STAT4: variants seen among roughly 807,000 people sequenced by gnomAD.
The protein encoded by STAT4 is signal transducer and activator of transcription 4.
A neutral mutation model predicts 110.5 loss-of-function variants in STAT4; 42 were observed. The ratio of observed to expected loss-of-function variants is 0.38; its 90% confidence interval spans 0.30 to 0.49. The LOEUF (loss-of-function observed/expected upper bound fraction) is 0.49, where lower values mean the gene tolerates loss of function less well. Ranked by LOEUF, STAT4 falls within the 20% of genes least tolerant of loss-of-function variation. The probability of loss-of-function intolerance (pLI) is 0.95; values close to 1 mark genes in which losing one functional copy is unlikely to be tolerated. For synonymous variants in STAT4, 284 were observed against 302.2 expected, an observed-to-expected ratio of 0.94 and a Z score of 0.63; for missense variants, 632 against 887.9, an observed-to-expected ratio of 0.71 and a Z score of 3.66.
At chr2:191,070,516 A>G (rs1279550571) in intron 5 of STAT4, among the ~76,000 whole-genome samples, 1 of 152,114 alleles carries the variant, frequency 6.6e-6, no homozygotes, top group Non-Finnish European at 1.5e-5. Flanking sequence ...CAGCAGTTTA[A>G]CCTTGACCCC....
chr2:191,065,023 C>T, intron 7 of STAT4, 65 bp from the exon 8 acceptor site: 1 of 1,427,180 alleles, frequency 7.0e-7, no homozygotes, highest in Non-Finnish European at 9.2e-7. Context: ...ATTCAATTTA[C>T]AAAACTATTT....
chr2:191,066,511 C>G lies in STAT4; in HGVS notation c.549G>C (p.Gln183His). 6.2e-7 allele frequency: 1 copy of G among 1,613,144 alleles called. No homozygotes were observed. The highest frequency in any genetic ancestry group is 2.2e-5 in the East Asian group (1 of 44,840). The change falls in exon 7 of 24, where the codon CAG becomes CAC. Residue 183 changes from glutamine to histidine, a missense_variant. This residue lies in a region of STAT4 where 488 missense variants were observed against 632.8 expected (regional missense o/e 0.77). Transcript: ENST00000392320. This position sits in a 1 kb window ranked among gnomAD's most constrained non-coding sequence, Gnocchi z 4.3. ...TCACCATGGCACTATTCTTGTCACT[C>G]TGATCTGCAAAGGTAAAGAGATCAG... ...YRYKTIQTMD[Q>H]SDKNSAMVNQ...
At chr2:191,109,936 C>T (rs144113924) in intron 3 of STAT4, among the ~76,000 whole-genome samples, 41 of 152,246 alleles carry the variant, frequency 2.7e-4, no homozygotes, top group African/African-American at 8.9e-4. Flanking sequence ...GGAATATCAA[C>T]GCTCTAGCTA....
At chr2:191,078,268 A>G (rs1453128731) in intron 3 of STAT4, among the ~76,000 whole-genome samples, 1 of 152,132 alleles carries the variant, frequency 6.6e-6, no homozygotes, top group Non-Finnish European at 1.5e-5. Context: ...GAATATTTCT[A>G]TGCCGATCAT....
intron 3 of STAT4, among the ~76,000 whole-genome samples, chr2:191,125,437 T>C (rs1174743368): frequency 6.7e-6 from 1 of 149,816 alleles, no homozygotes; most frequent in East Asian, 1.9e-4. Context: ...CAACTGGAAA[T>C]TGACTATCTA....
intron 3 of STAT4, among the ~76,000 whole-genome samples, chr2:191,088,068 T>G (rs4241275): frequency 0.99 from 150,279 of 152,222 alleles, 74,210 homozygotes; most frequent in Middle Eastern, 1. Context: ...GGAAATAAAT[T>G]CTATACAAAT....
At chr2:191,071,119 AG>A (rs1697135675) in intron 5 of STAT4, among the ~76,000 whole-genome samples, 1 of 152,206 alleles carries the variant, frequency 6.6e-6, no homozygotes, top group Non-Finnish European at 1.5e-5. Context: ...ACCAATTTTG[AG>A]CAACCTGTGC....
intron 3 of STAT4, among the ~76,000 whole-genome samples, chr2:191,123,087 T>C (rs1698782677): frequency 1.3e-5 from 2 of 152,248 alleles, no homozygotes; most frequent in Admixed American, 1.3e-4. Context: ...TACACCTCTT[T>C]CAGTTTGACT....
chr2:191,093,062 T>A (rs191957770), intron 3 of STAT4, among the ~76,000 whole-genome samples: 44 of 152,256 alleles, frequency 2.9e-4, no homozygotes, highest in Admixed American at 8.5e-4. Context: ...ACTGGGCGGA[T>A]CCCACAACAG....
chr2:191,085,587 T>C lies in STAT4; in HGVS notation c.274-9262A>G, dbSNP rs191980642. ...TAACCAAATTTCCTTGGCAATTGTG[T>C]CTTTAACTGTGGATGTTCTAAAACT... On this transcript the variant is annotated intron_variant, in intron 3 of 23. Coordinates refer to ENST00000392320, the MANE Select transcript of STAT4 (RefSeq NM_003151.4). Among the ~76,000 whole-genome samples the C allele has an allele frequency of 4.1e-4, 63 of 152,276 alleles. 2 individuals carry two copies. The East Asian group carries it at 8.9e-3, about 21-fold the overall frequency.
In STAT4 at chr2:191,090,357, C is replaced by G. The variant is rs1697756601; in HGVS notation, c.274-14032G>C. ...GAATGAAGTTGCTCGCCTCCTCACT[C>G]AAAGTTAGCTTTAAATTCTCTCATC... On this transcript the variant is annotated intron_variant, in intron 3 of 23. Transcript: ENST00000392320. The surrounding 1 kb of genome is among the most constrained non-coding windows in gnomAD (Gnocchi z 4.2). 2.0e-5 allele frequency among the ~76,000 whole-genome samples: 3 copies of G among 152,062 alleles called. No homozygotes were observed. The highest frequency in any genetic ancestry group is 6.5e-5 in the Admixed American group (1 of 15,272).
Position 191,061,613 on chromosome 2 carries a change from C to A in STAT4, c.1034+116G>T. 1 of 950,962 alleles carries A rather than the reference C, an allele frequency of 1.1e-6. No homozygotes were observed. The highest frequency in any genetic ancestry group is 1.7e-6 in the Non-Finnish European group (1 of 585,852). 58.9% of individuals were successfully genotyped at this position (950,962 alleles called of 1,614,324 possible). ...CCCAAGCTCAGAGCTGGGCACACAG[C>A]AGATGGTTCAATAAAGAACAGCTGA... On this transcript the variant is annotated intron_variant, in intron 10 of 23. Coordinates refer to ENST00000392320, the MANE Select transcript of STAT4 (RefSeq NM_003151.4). This position sits in a 1 kb window ranked among gnomAD's most constrained non-coding sequence, Gnocchi z 6.2.
intron 3 of STAT4, among the ~76,000 whole-genome samples, chr2:191,120,382 G>A (rs1209720837): frequency 6.6e-6 from 1 of 152,000 alleles, no homozygotes; most frequent in Non-Finnish European, 1.5e-5. Flanking sequence ...AAAAAGCCTA[G>A]GCAACATACG....
Position 191,142,572 on chromosome 2 carries a change from G to T in STAT4, c.273+4041C>A, listed in dbSNP as rs1040117265. Among the ~76,000 whole-genome samples, 1 of 152,168 alleles carries T rather than the reference G, an allele frequency of 6.6e-6. No homozygotes were observed. The highest frequency in any genetic ancestry group is 1.5e-5 in the Non-Finnish European group (1 of 68,010). On this transcript the variant is annotated intron_variant, in intron 3 of 23. Coordinates refer to ENST00000392320, the MANE Select transcript of STAT4 (RefSeq NM_003151.4). This position sits in a 1 kb window ranked among gnomAD's most constrained non-coding sequence, Gnocchi z 4.1. ...CAGGGTTAATATAGTTAACAACAAT[G>T]TAATGTATATTTCAGAGTAGCTAGA...
intron 3 of STAT4, among the ~76,000 whole-genome samples, chr2:191,123,853 CA>C (rs1698804114): frequency 6.6e-6 from 1 of 152,158 alleles, no homozygotes; most frequent in Non-Finnish European, 1.5e-5. Context: ...CGGAAAAGAT[CA>C]AAATTCAAAA....
In STAT4 at chr2:191,099,260, C is replaced by T. The variant is rs1009895295; in HGVS notation, c.274-22935G>A. Among the ~76,000 whole-genome samples the T allele has an allele frequency of 6.6e-6, 1 of 152,082 alleles. No homozygotes were observed. Among genetic ancestry groups the T allele is most frequent in the Non-Finnish European group, 1.5e-5 (1 of 67,990 alleles). ...GGGATGAGGGTCCTAGTACACTTTGCTGATGGAACTGTGAATTTTACAACC... is the reference window on the plus strand; with the variant it reads ...GGGATGAGGGTCCTAGTACACTTTGTTGATGGAACTGTGAATTTTACAACC... On this transcript the variant is annotated intron_variant, in intron 3 of 23. Transcript: ENST00000392320. This position sits in a 1 kb window ranked among gnomAD's most constrained non-coding sequence, Gnocchi z 4.1.
rs539729678 is a variant in STAT4 at position 191,051,038 on chromosome 2, G to A, written c.1251+3452C>T. Among the ~76,000 whole-genome samples the A allele has an allele frequency of 6.6e-5, 10 of 152,278 alleles. No individual in the cohort carries two copies. Among genetic ancestry groups the A allele is most frequent in the South Asian group, 4.1e-4 (2 of 4,832 alleles). On this transcript the variant is annotated intron_variant, in intron 14 of 23. Coordinates refer to ENST00000392320, the MANE Select transcript of STAT4 (RefSeq NM_003151.4). The surrounding 1 kb of genome is among the most constrained non-coding windows in gnomAD (Gnocchi z 5.6). ...GAGCGACCCAAAATTGTGTGTGTGC[G>A]TGTGGGTGTGTGTGTGATGGAGGTG...
intron 3 of STAT4, among the ~76,000 whole-genome samples, chr2:191,100,864 A>G (rs1054046608): frequency 3.9e-5 from 6 of 152,014 alleles, no homozygotes; most frequent in Admixed American, 3.3e-4. Context: ...TGACACCCTG[A>G]ATCAGCAGCA....
chr2:191,076,102 C>T (rs1697310133), intron 4 of STAT4, 125 bp downstream of exon 4: 13 of 729,198 alleles, frequency 1.8e-5, no homozygotes, highest in Non-Finnish European at 3.0e-5. Flanking sequence ...GATCCTCCCA[C>T]CTTTGCCTCC....
Sources: gnomAD v4.1 joint callset for allele counts (sites outside exome capture counted in the v4.1 genomes callset) on GRCh38, gnomAD v4.1.1 for gene constraint, gnomAD v4.1.1 regional missense constraint, Gnocchi (gnomAD v3.1) non-coding constraint, MANE v1.5 for transcripts, NCBI Gene and HGNC (gene_info 2026-07-23, HGNC 2026-07-21) for gene names.